Variants in CSMD3 observed in about 807,000 individuals in gnomAD.
CSMD3 encodes CUB and sushi domain-containing protein 3.
Under a neutral mutation model 435.2 loss-of-function variants are expected in CSMD3, and 177 were observed. The observed-to-expected ratio is 0.41, with a 90% CI of 0.36 to 0.46. The LOEUF (loss-of-function observed/expected upper bound fraction) is 0.46. Among genes scored for constraint, CSMD3 ranks in the 20% least tolerant of loss-of-function variants. The pLI is 0.34. For missense variants in CSMD3, 4,265 were observed against 4,504.6 expected (o/e 0.95, Z 1.52); for synonymous variants, 1,656 against 1,520.5 (o/e 1.09, Z -2.07).
At chr8:113,288,131 T>C (rs917308518) in intron 2 of CSMD3, among the ~76,000 whole-genome samples, 5 of 151,990 alleles carry the variant, frequency 3.3e-5, no homozygotes, top group East Asian at 1.9e-4. Flanking sequence ...TAAGATGATA[T>C]TGACAGTATA....
intron 1 of CSMD3, among the ~76,000 whole-genome samples, chr8:113,354,992 G>T (rs1034046869): frequency 1.1e-4 from 17 of 152,086 alleles, no homozygotes; most frequent in Non-Finnish European, 1.8e-4. Flanking sequence ...CAAGTATCTT[G>T]TCAAGTCTTC....
rs79912497 is a variant in CSMD3, at chr8:112,967,096, T to C, written c.1342+8741A>G. 6.6e-3 allele frequency among the ~76,000 whole-genome samples: 1,010 copies of C among 151,992 alleles called. 12 individuals carry two copies. The highest frequency in any genetic ancestry group is 0.023 in the African/African-American group (966 of 41,532). On this transcript the variant is annotated intron_variant, in intron 7 of 70. Transcript: ENST00000297405. Reference sequence around the variant, plus strand: ...ATCCAACTCCAATTCCATCAAGTCATGATCTGCATTTGAACAAGACTACTA... The same window carrying C: ...ATCCAACTCCAATTCCATCAAGTCACGATCTGCATTTGAACAAGACTACTA...
At chr8:112,837,571 C>T (rs889829362) in intron 11 of CSMD3, among the ~76,000 whole-genome samples, 2 of 151,722 alleles carry the variant, frequency 1.3e-5, no homozygotes, top group African/African-American at 4.8e-5. Context: ...TAAAATAACA[C>T]ATAGGATGCT....
intron 13 of CSMD3, among the ~76,000 whole-genome samples, chr8:112,702,101 C>A (rs2076401287): frequency 6.6e-6 from 1 of 151,980 alleles, no homozygotes. Context: ...TACTTTGTAT[C>A]CCAAGTGTCT....
rs971409263 is a variant in CSMD3 at position 113,216,249 on chromosome 8, A to G, written c.515-42333T>C. On this transcript the variant is annotated intron_variant, in intron 3 of 70. Transcript: ENST00000297405. ...GTGTTGTCTAACAATGATGCAAATT[A>G]TATCTTGATTAGTGATAAAAAGCCA... Among the ~76,000 whole-genome samples the G allele has an allele frequency of 2.6e-5, 4 of 151,930 alleles. No homozygotes were observed. In the East Asian group the frequency reaches 5.8e-4, roughly 22 times the overall value.
chr8:112,351,072 A>G lies in CSMD3; in HGVS notation c.6325+103T>C, dbSNP rs1036320563. The G allele has an allele frequency of 2.7e-5, 20 of 742,490 alleles. No homozygotes were observed. The African/African-American group carries it at 3.0e-4, about 11-fold the overall frequency. 46.0% of individuals were successfully genotyped at this position (742,490 alleles called of 1,614,324 possible). A position where few individuals can be genotyped will look rare whatever the true frequency, so the allele number is the denominator to read the frequency against. ...ACTATATGTTTGAAAATCATGATAT[A>G]CAGAATGAAACTTTAAAATCTGATG... On this transcript the variant is annotated intron_variant, in intron 40 of 70. Coordinates refer to ENST00000297405, the MANE Select transcript of CSMD3 (RefSeq NM_198123.2).
At chr8:113,082,501 T>C (rs1404267876) in intron 5 of CSMD3, among the ~76,000 whole-genome samples, 2 of 152,004 alleles carry the variant, frequency 1.3e-5, no homozygotes, top group East Asian at 1.9e-4. Flanking sequence ...CTTTGCCCTA[T>C]AAATCTACTC....
chr8:112,825,584 C>T (rs1312538186), intron 12 of CSMD3, among the ~76,000 whole-genome samples: 1 of 152,070 alleles, frequency 6.6e-6, no homozygotes, highest in African/African-American at 2.4e-5. Flanking sequence ...TGGTCAGGTC[C>T]ATCTTCTGTA....
At chr8:112,879,571 C>T (rs1194461208) in intron 10 of CSMD3, among the ~76,000 whole-genome samples, 2 of 152,030 alleles carry the variant, frequency 1.3e-5, no homozygotes, top group Non-Finnish European at 2.9e-5. Flanking sequence ...CTTTTTTGAA[C>T]TCCATAATAA....
chr8:112,912,739 C>G (rs2082459699), intron 10 of CSMD3, among the ~76,000 whole-genome samples: 1 of 151,928 alleles, frequency 6.6e-6, no homozygotes, highest in Non-Finnish European at 1.5e-5. Flanking sequence ...TAAAGAGCTT[C>G]TGCACGGCAA....
Position 112,328,336 on chromosome 8 carries a change from T to C in CSMD3, c.7165+6993A>G, listed in dbSNP as rs1823707722. Among the ~76,000 whole-genome samples, 3 of 152,184 alleles carry C rather than the reference T, an allele frequency of 2.0e-5. No individual in the cohort carries two copies. In the South Asian group the frequency reaches 6.2e-4, roughly 32 times the overall value. ...GAAATTAATGCTACCTTAGTTTTAA[T>C]TGAAGAGAAGAAAACAATAAATTTG... On this transcript the variant is annotated intron_variant, in intron 45 of 70. Coordinates refer to ENST00000297405, the MANE Select transcript of CSMD3 (RefSeq NM_198123.2).
chr8:112,474,027 A>G (rs1818797189), intron 31 of CSMD3, among the ~76,000 whole-genome samples: 1 of 152,106 alleles, frequency 6.6e-6, no homozygotes, highest in Admixed American at 6.6e-5. Flanking sequence ...TTTTGCAGGA[A>G]GGACAGAGTA....
chr8:112,942,891 A>T (rs980435850), intron 9 of CSMD3, among the ~76,000 whole-genome samples: 3 of 151,786 alleles, frequency 2.0e-5, no homozygotes, highest in Non-Finnish European at 2.9e-5. Context: ...AAATTAAATT[A>T]AAAAACTGTC....
At chr8:112,878,834 G>A (rs2081366284) in intron 10 of CSMD3, among the ~76,000 whole-genome samples, 1 of 152,068 alleles carries the variant, frequency 6.6e-6, no homozygotes, top group Non-Finnish European at 1.5e-5. Flanking sequence ...AACAGAAATT[G>A]TGAAGATTTC....
At chr8:113,178,013 A>G (rs1006495335) in intron 3 of CSMD3, among the ~76,000 whole-genome samples, 6 of 151,984 alleles carry the variant, frequency 3.9e-5, no homozygotes, top group Non-Finnish European at 8.8e-5. Flanking sequence ...TTACTTGGTA[A>G]GTGACACTGA....
intron 22 of CSMD3, among the ~76,000 whole-genome samples, chr8:112,608,609 C>G (rs1478929124): frequency 6.6e-6 from 1 of 151,850 alleles, no homozygotes; most frequent in Non-Finnish European, 1.5e-5. Context: ...TACATACACA[C>G]ACACACACGT....
rs147355109 is a variant in CSMD3, at chr8:112,639,499, G to A, written c.3311-588C>T. On this transcript the variant is annotated intron_variant, in intron 20 of 70. Coordinates refer to ENST00000297405, the MANE Select transcript of CSMD3 (RefSeq NM_198123.2). ...TTCAGGTCAATAGTTTTCACAAATC[G>A]GACACCTTTGTAAATAGTATCCAAA... 1.7e-3 allele frequency among the ~76,000 whole-genome samples: 257 copies of A among 152,032 alleles called. 3 individuals carry two copies. Among genetic ancestry groups the A allele is most frequent in the African/African-American group, 5.9e-3 (243 of 41,490 alleles).
chr8:112,999,488 G>C (rs905654555), intron 6 of CSMD3, among the ~76,000 whole-genome samples: 1 of 151,840 alleles, frequency 6.6e-6, no homozygotes, highest in Non-Finnish European at 1.5e-5. Context: ...AACCATGTAA[G>C]TAAATGCAAC....
Position 113,185,515 on chromosome 8 carries a change from C to T in CSMD3, c.515-11599G>A, listed in dbSNP as rs146142768. Among the ~76,000 whole-genome samples the T allele has an allele frequency of 1.4e-4, 21 of 152,118 alleles. No homozygotes were observed. The South Asian group carries it at 1.5e-3, about 11-fold the overall frequency. On this transcript the variant is annotated intron_variant, in intron 3 of 70. Transcript: ENST00000297405. ...CCCACTCATGTTGAGTATTAGCACA[C>T]GTCCATGAAGGTGTGTAAGCCAGCC...
Sources: allele counts gnomAD v4.1 joint callset (sites outside exome capture counted in the v4.1 genomes callset), GRCh38; gene constraint gnomAD v4.1.1; transcripts MANE v1.5; gene names NCBI Gene and HGNC (gene_info 2026-07-23, HGNC 2026-07-21).